NOS1AP: variants seen among roughly 807,000 people sequenced by gnomAD.
The protein encoded by NOS1AP is nitric oxide synthase 1 adaptor protein, also known as carboxyl-terminal PDZ ligand of neuronal nitric oxide synthase protein.
NOS1AP carries 21 observed loss-of-function variants against 56.2 expected under a neutral mutation model. The observed-to-expected ratio is 0.37, with a 90% CI of 0.26 to 0.54. NOS1AP has a LOEUF of 0.54. Among genes scored for constraint, NOS1AP ranks in the 20% least tolerant of loss-of-function variants. The probability of loss-of-function intolerance (pLI) is 0.84; values close to 1 mark genes in which losing one functional copy is unlikely to be tolerated. For missense variants in NOS1AP, 522 were observed against 657.8 expected (o/e 0.79, Z 2.26); for synonymous variants, 270 against 274.6 (o/e 0.98, Z 0.17).
At chr1:162,091,897 G>A (rs1054406160) in intron 1 of NOS1AP, among the ~76,000 whole-genome samples, 1 of 152,136 alleles carries the variant, frequency 6.6e-6, no homozygotes, top group African/African-American at 2.4e-5. Context: ...CTTCACTGGG[G>A]CAAGGTGGGG....
intron 2 of NOS1AP, among the ~76,000 whole-genome samples, chr1:162,270,282 T>C (rs1247688769): frequency 6.6e-6 from 1 of 152,184 alleles, no homozygotes; most frequent in East Asian, 1.9e-4. Flanking sequence ...TATCTTTTAG[T>C]ATTGTCAGAT....
At chr1:162,296,965 G>A (rs1237997424) in intron 3 of NOS1AP, among the ~76,000 whole-genome samples, 1 of 152,204 alleles carries the variant, frequency 6.6e-6, no homozygotes, top group Non-Finnish European at 1.5e-5. Context: ...GAGAGGAATT[G>A]ATTGGGTAGA....
chr1:162,148,792 T>A (rs1571064741), intron 1 of NOS1AP, among the ~76,000 whole-genome samples: 1 of 152,272 alleles, frequency 6.6e-6, no homozygotes, highest in East Asian at 1.9e-4. Flanking sequence ...ATGTGGGTAC[T>A]GGAGAAACCA....
chr1:162,259,712 A>C (rs940602078), intron 2 of NOS1AP, among the ~76,000 whole-genome samples: 4 of 152,226 alleles, frequency 2.6e-5, no homozygotes, highest in Non-Finnish European at 5.9e-5. Context: ...ATGTTTTTAA[A>C]AGCATTAAAA....
At chr1:162,219,969 C>T (rs552568169) in intron 2 of NOS1AP, among the ~76,000 whole-genome samples, 59 of 152,208 alleles carry the variant, frequency 3.9e-4, no homozygotes, top group Non-Finnish European at 6.8e-4. Flanking sequence ...CTCACTCTGT[C>T]ACTCAGGCTG....
chr1:162,315,767 T>G (rs1387158356), intron 4 of NOS1AP, among the ~76,000 whole-genome samples: 2 of 152,240 alleles, frequency 1.3e-5, no homozygotes, highest in African/African-American at 2.4e-5. Flanking sequence ...GTCAAATTCT[T>G]ATTAATCTTT....
chr1:162,099,789 G>C (rs1227089466), intron 1 of NOS1AP, among the ~76,000 whole-genome samples: 12 of 149,774 alleles, frequency 8.0e-5, no homozygotes, highest in African/African-American at 2.7e-4. Flanking sequence ...CCACTCCCCC[G>C]ACCCCACAAC....
At chr1:162,094,318 C>G (rs956805309) in intron 1 of NOS1AP, among the ~76,000 whole-genome samples, 5 of 152,190 alleles carry the variant, frequency 3.3e-5, no homozygotes, top group African/African-American at 4.8e-5. Context: ...CATCTTTCAT[C>G]AAGACAGCAG....
intron 2 of NOS1AP, among the ~76,000 whole-genome samples, chr1:162,169,103 TC>T (rs1001346567): frequency 3.3e-5 from 5 of 152,218 alleles, no homozygotes; most frequent in African/African-American, 1.2e-4. Flanking sequence ...GCCTAACAGT[TC>T]CATTTCCAGA....
At chr1:162,130,921 A>G (rs148311603) in intron 1 of NOS1AP, among the ~76,000 whole-genome samples, 158 of 152,370 alleles carry the variant, frequency 1.0e-3, no homozygotes, top group Non-Finnish European at 1.6e-3. Flanking sequence ...TTTGGCATCT[A>G]CAAATTTAAT....
chr1:162,296,150 G>A (rs780330961), intron 3 of NOS1AP, among the ~76,000 whole-genome samples: 1 of 152,114 alleles, frequency 6.6e-6, no homozygotes, highest in Non-Finnish European at 1.5e-5. Context: ...AGCTGGGCAT[G>A]GTGGTGAGTG....
intron 4 of NOS1AP, among the ~76,000 whole-genome samples, chr1:162,330,344 G>C (rs139615884): frequency 1.3e-5 from 2 of 152,284 alleles, no homozygotes; most frequent in African/African-American, 4.8e-5. Context: ...ACCAAGATGT[G>C]TTCCTTGTTC....
intron 2 of NOS1AP, among the ~76,000 whole-genome samples, chr1:162,171,346 T>C (rs1650771468): frequency 6.6e-6 from 1 of 152,128 alleles, no homozygotes; most frequent in African/African-American, 2.4e-5. Context: ...TTATAAGGAA[T>C]GGCACATGAC....
chr1:162,249,086 G>T (rs945812706), intron 2 of NOS1AP, among the ~76,000 whole-genome samples: 1 of 152,116 alleles, frequency 6.6e-6, no homozygotes, highest in Admixed American at 6.5e-5. Context: ...GGATCAGCGT[G>T]GGGGAGCAAG....
At chr1:162,199,993 G>T (rs1651940687) in intron 2 of NOS1AP, among the ~76,000 whole-genome samples, 1 of 152,198 alleles carries the variant, frequency 6.6e-6, no homozygotes, top group Non-Finnish European at 1.5e-5. Context: ...TGTGCATGGA[G>T]ATGGAAGCTG....
chr1:162,261,660 G>T (rs1439932320), intron 2 of NOS1AP, among the ~76,000 whole-genome samples: 1 of 152,096 alleles, frequency 6.6e-6, no homozygotes, highest in African/African-American at 2.4e-5. Flanking sequence ...AGCTGGAAAA[G>T]TGAAGGAAAT....
At chr1:162,279,273 A>T (rs1654840718) in intron 2 of NOS1AP, among the ~76,000 whole-genome samples, 1 of 152,154 alleles carries the variant, frequency 6.6e-6, no homozygotes, top group Non-Finnish European at 1.5e-5. Flanking sequence ...GAGAAAAGTG[A>T]TGGCTGTATT....
chr1:162,101,125 G>A (rs539362562), intron 1 of NOS1AP, among the ~76,000 whole-genome samples: 20 of 152,280 alleles, frequency 1.3e-4, no homozygotes, highest in Middle Eastern at 3.4e-3. Context: ...ATGGTGTAAG[G>A]AAGGGGTCCA....
chr1:162,148,429 T>C (rs1398670198), intron 1 of NOS1AP, among the ~76,000 whole-genome samples: 1 of 151,894 alleles, frequency 6.6e-6, no homozygotes, highest in Non-Finnish European at 1.5e-5. Flanking sequence ...ACCCTGGGGG[T>C]AAACAAAGGG....
Sources: gnomAD v4.1 joint callset for allele counts (sites outside exome capture counted in the v4.1 genomes callset) on GRCh38, gnomAD v4.1.1 for gene constraint, MANE v1.5 for transcripts, NCBI Gene and HGNC (gene_info 2026-07-23, HGNC 2026-07-21) for gene names.